C12orf56: variants seen among roughly 807,000 people sequenced by gnomAD.
C12orf56 encodes the protein uncharacterized protein C12orf56.
A neutral mutation model predicts 69.9 loss-of-function variants in C12orf56; 71 were observed. The observed-to-expected ratio is 1.02, with a 90% confidence interval of 0.84 to 1.24. The LOEUF is 1.24. Ranked by LOEUF, C12orf56 falls within the 50% of genes most tolerant of loss-of-function variation. C12orf56 has a pLI of 0.00. For missense variants in C12orf56, 732 were observed against 738.5 expected, an observed-to-expected ratio of 0.99 and a Z score of 0.10; for synonymous variants, 276 against 274.1, an observed-to-expected ratio of 1.01 and a Z score of -0.07.
chr12:64,343,150 T>G (rs1310636946), intron 2 of C12orf56, among the ~76,000 whole-genome samples: 1 of 152,182 alleles, frequency 6.6e-6, no homozygotes, highest in Non-Finnish European at 1.5e-5. Flanking sequence ...AAGCAACTTA[T>G]CCTTCACCTT....
At chr12:64,370,745 A>T (rs1263033745) in intron 1 of C12orf56, among the ~76,000 whole-genome samples, 2 of 152,232 alleles carry the variant, frequency 1.3e-5, no homozygotes, top group African/African-American at 2.4e-5. Flanking sequence ...GAAAGAAGAA[A>T]AATGCTGAAG....
chr12:64,332,302 C>CAAAAAA (rs10680877), intron 2 of C12orf56, among the ~76,000 whole-genome samples: 2 of 100,736 alleles, frequency 2.0e-5, no homozygotes, highest in African/African-American at 3.9e-5. Flanking sequence ...GACTCCATCT[C>CAAAAAA]AAAAAAAAAA....
intron 1 of C12orf56, among the ~76,000 whole-genome samples, chr12:64,358,113 A>T (rs1485559288): frequency 1.3e-5 from 2 of 152,130 alleles, no homozygotes; most frequent in Non-Finnish European, 2.9e-5. Flanking sequence ...ATTACATACC[A>T]AAAGTACTAT....
rs760006292 is a variant in C12orf56, at chr12:64,285,942, G to A, written c.1220+12C>T. 1.3e-6 allele frequency: 2 copies of A among 1,527,430 alleles called. No individual in the cohort carries two copies. The highest frequency in any genetic ancestry group is 2.8e-5 in the African/African-American group (2 of 71,472). The allele number at this position is 1,527,430 out of a possible 1,614,324, so 94.6% of individuals were successfully genotyped here. A position where few individuals can be genotyped will look rare whatever the true frequency, so the allele number is the denominator to read the frequency against. On this transcript the variant is annotated intron_variant, in intron 7 of 12. Coordinates refer to ENST00000543942, the MANE Select transcript of C12orf56 (RefSeq NM_001170633.2). Reference sequence around the variant, plus strand: ...AAAAAAAAAAATCGATGATTATCTAGTTAGTACTTACACCAGCTCATCAAC... The same window carrying A: ...AAAAAAAAAAATCGATGATTATCTAATTAGTACTTACACCAGCTCATCAAC...
intron 1 of C12orf56, among the ~76,000 whole-genome samples, chr12:64,380,123 A>AAAAC (rs2039697798): frequency 1.3e-4 from 12 of 92,548 alleles, no homozygotes; most frequent in African/African-American, 4.4e-4. Flanking sequence ...AAAAAAAAAA[A>AAAAC]AAAAAAAAAA....
chr12:64,350,148 G>A (rs116533642), intron 2 of C12orf56, among the ~76,000 whole-genome samples: 2,784 of 151,638 alleles, frequency 0.018, 82 homozygotes, highest in African/African-American at 0.064. Flanking sequence ...TAGGGGGAAG[G>A]GTAGGAGGGA....
chr12:64,349,636 TA>T (rs1273606101), intron 2 of C12orf56, among the ~76,000 whole-genome samples: 1 of 152,114 alleles, frequency 6.6e-6, no homozygotes, highest in Non-Finnish European at 1.5e-5. Context: ...AATGAGTGGA[TA>T]AAGAAACTGT....
At chr12:64,377,159 C>A (rs536154629) in intron 1 of C12orf56, among the ~76,000 whole-genome samples, 3 of 145,882 alleles carry the variant, frequency 2.1e-5, no homozygotes, top group African/African-American at 7.5e-5. Context: ...TGTATATCTT[C>A]TTTTGAGAAG....
chr12:64,308,865 GAA>G (rs1358910682), intron 5 of C12orf56, among the ~76,000 whole-genome samples: 1 of 117,572 alleles, frequency 8.5e-6, no homozygotes, highest in African/African-American at 3.3e-5. Context: ...AAGAAAGAAA[GAA>G]AAGAAAGAAA....
chr12:64,332,563 G>C (rs2038945659), intron 2 of C12orf56, among the ~76,000 whole-genome samples: 1 of 152,094 alleles, frequency 6.6e-6, no homozygotes, highest in Admixed American at 6.6e-5. Context: ...GATTTCTTTG[G>C]AGTGCTGCGG....
intron 1 of C12orf56, among the ~76,000 whole-genome samples, chr12:64,386,384 T>TATATATATA (rs2039789463): frequency 9.6e-6 from 1 of 104,104 alleles, no homozygotes; most frequent in East Asian, 4.3e-4. Flanking sequence ...TGGCTAATTT[T>TATATATATA]TATATATATA....
rs376926660 is a variant in C12orf56 at position 64,295,602 on chromosome 12, C to T, written c.1113+8033G>A. Among the ~76,000 whole-genome samples, 23 of 151,742 alleles carry T rather than the reference C, an allele frequency of 1.5e-4. 1 individual carries two copies. The South Asian group carries it at 3.1e-3, about 21-fold the overall frequency. On this transcript the variant is annotated intron_variant, in intron 6 of 12. Transcript: ENST00000543942. ...TACTCAGCTATTTGAGCCCAGGAGG[C>T]GGAGATTGCAGTGAGCGGAGATGGT...
intron 1 of C12orf56, among the ~76,000 whole-genome samples, chr12:64,386,862 G>A (rs1164539580): frequency 6.6e-6 from 1 of 151,430 alleles, no homozygotes; most frequent in Non-Finnish European, 1.5e-5. Context: ...TAAGAGGCCA[G>A]GTGGTCAGGA....
intron 3 of C12orf56, among the ~76,000 whole-genome samples, chr12:64,325,821 A>G (rs929806616): frequency 7.2e-5 from 11 of 152,152 alleles, no homozygotes; most frequent in African/African-American, 1.2e-4. Flanking sequence ...AAGAGTTTCA[A>G]TCTACCCCAC....
At chr12:64,302,351 C>G (rs2038456899) in intron 6 of C12orf56, among the ~76,000 whole-genome samples, 1 of 152,130 alleles carries the variant, frequency 6.6e-6, no homozygotes, top group Non-Finnish European at 1.5e-5. Flanking sequence ...TTGCTTGGAA[C>G]TGTTCTAGCT....
chr12:64,344,887 G>A (rs1435301583), intron 2 of C12orf56, among the ~76,000 whole-genome samples: 4 of 152,036 alleles, frequency 2.6e-5, no homozygotes, highest in Non-Finnish European at 4.4e-5. Context: ...GTGGGCCATC[G>A]TTTAATCCAT....
chr12:64,366,354 T>A (rs62652092), intron 1 of C12orf56, among the ~76,000 whole-genome samples: 18,020 of 58,710 alleles, frequency 0.31, 3,944 homozygotes, highest in Non-Finnish European at 0.42. Context: ...TATTATATAT[T>A]ATATACAGTT....
intron 1 of C12orf56, among the ~76,000 whole-genome samples, chr12:64,380,867 G>A (rs2039711658): frequency 6.6e-6 from 1 of 152,154 alleles, no homozygotes; most frequent in African/African-American, 2.4e-5. Flanking sequence ...AAGCAATAAG[G>A]AGTTTGGAGG....
At chr12:64,286,758 C>T (rs968284594) in intron 6 of C12orf56, among the ~76,000 whole-genome samples, 1 of 151,920 alleles carries the variant, frequency 6.6e-6, no homozygotes, top group Non-Finnish European at 1.5e-5. Flanking sequence ...CGTTTTTTCC[C>T]CAGGATTTTG....
Sources: gnomAD v4.1 joint callset for allele counts (sites outside exome capture counted in the v4.1 genomes callset) on GRCh38, gnomAD v4.1.1 for gene constraint, MANE v1.5 for transcripts, NCBI Gene and HGNC (gene_info 2026-07-23, HGNC 2026-07-21) for gene names.